SYT1: variants seen among roughly 807,000 people sequenced by gnomAD.
SYT1 encodes the protein synaptotagmin 1, also known as synaptotagmin-1.
A neutral mutation model predicts 44.8 loss-of-function variants in SYT1; 8 were observed. The ratio of observed to expected loss-of-function variants is 0.18; its 90% CI spans 0.10 to 0.32. The LOEUF (loss-of-function observed/expected upper bound fraction) is 0.32, where lower values mean the gene tolerates loss of function less well. Ranked by LOEUF, SYT1 falls within the 10% of genes least tolerant of loss-of-function variation. The pLI is 1.00. For synonymous variants in SYT1, 154 were observed against 188.8 expected, an observed-to-expected ratio of 0.82 and a Z score of 1.51; for missense variants, 286 against 509.3, an observed-to-expected ratio of 0.56 and a Z score of 4.22.
intron 9 of SYT1, among the ~76,000 whole-genome samples, chr12:79,369,777 C>G (rs939762929): frequency 1.3e-5 from 2 of 152,088 alleles, no homozygotes; most frequent in African/African-American, 4.8e-5. Context: ...ATAGCACATG[C>G]AGATTTTGAT....
At chr12:79,391,243 T>C (rs1011348618) in intron 9 of SYT1, among the ~76,000 whole-genome samples, 3 of 152,188 alleles carry the variant, frequency 2.0e-5, no homozygotes, top group Admixed American at 6.5e-5. Flanking sequence ...TGATCCTGAT[T>C]CAATAGCTCT....
intron 8 of SYT1, among the ~76,000 whole-genome samples, chr12:79,337,064 TG>T (rs1044239301): frequency 2.0e-5 from 3 of 151,554 alleles, no homozygotes; most frequent in Admixed American, 1.3e-4. Flanking sequence ...TCCTCCTTTT[TG>T]GTTCCCCTCC....
chr12:79,397,551 G>A (rs957883719), intron 9 of SYT1, among the ~76,000 whole-genome samples: 1 of 152,130 alleles, frequency 6.6e-6, no homozygotes, highest in Non-Finnish European at 1.5e-5. Flanking sequence ...TAAATGAAAG[G>A]AGATCTGCCT....
At chr12:79,409,308 C>T (rs1374058545) in intron 9 of SYT1, among the ~76,000 whole-genome samples, 3 of 152,120 alleles carry the variant, frequency 2.0e-5, no homozygotes, top group South Asian at 2.1e-4. Context: ...AACAATGTAA[C>T]TGGAAAGTTT....
intron 1 of SYT1, among the ~76,000 whole-genome samples, chr12:78,868,067 C>T (rs1052324033): frequency 6.6e-6 from 1 of 151,842 alleles, no homozygotes; most frequent in African/African-American, 2.4e-5. Flanking sequence ...GCCATCTAAT[C>T]TTAAAGAACA....
chr12:79,127,193 G>A (rs1868494844), intron 3 of SYT1, among the ~76,000 whole-genome samples: 2 of 152,214 alleles, frequency 1.3e-5, no homozygotes, highest in African/African-American at 4.8e-5. Context: ...TCTTCAACCA[G>A]GTTGCTCATC....
chr12:79,203,173 A>C (rs538917246), intron 3 of SYT1, among the ~76,000 whole-genome samples: 1 of 152,294 alleles, frequency 6.6e-6, no homozygotes, highest in South Asian at 2.1e-4. Flanking sequence ...ACTGAATCAA[A>C]CCGTAAGGGA....
At chr12:79,143,200 A>G (rs2138223016) in intron 3 of SYT1, among the ~76,000 whole-genome samples, 1 of 152,300 alleles carries the variant, frequency 6.6e-6, no homozygotes, top group Admixed American at 6.5e-5. Flanking sequence ...TACCATAGGA[A>G]CAATGGTACT....
intron 2 of SYT1, among the ~76,000 whole-genome samples, chr12:78,978,882 A>G (rs1413535820): frequency 6.6e-6 from 1 of 152,170 alleles, no homozygotes; most frequent in Admixed American, 6.5e-5. Flanking sequence ...ATAGAAATAC[A>G]CCAACTATAT....
intron 3 of SYT1, among the ~76,000 whole-genome samples, chr12:79,191,278 A>C (rs531983378): frequency 1.3e-5 from 2 of 152,174 alleles, no homozygotes; most frequent in African/African-American, 4.8e-5. Flanking sequence ...TGAAACATAG[A>C]TATGGGGATA....
chr12:79,090,060 T>C (rs934396921), intron 3 of SYT1, among the ~76,000 whole-genome samples: 1 of 152,050 alleles, frequency 6.6e-6, no homozygotes, highest in Admixed American at 6.6e-5. Context: ...AGCCTAAAAC[T>C]ATGTCTACTT....
At chr12:79,124,463 G>C (rs1868340589) in intron 3 of SYT1, among the ~76,000 whole-genome samples, 1 of 152,042 alleles carries the variant, frequency 6.6e-6, no homozygotes, top group Non-Finnish European at 1.5e-5. Flanking sequence ...TCGTGAGGTA[G>C]AATATAGATA....
At chr12:79,308,587 GA>G (rs1880558672) in intron 8 of SYT1, among the ~76,000 whole-genome samples, 2 of 114,190 alleles carry the variant, frequency 1.8e-5, no homozygotes, top group African/African-American at 3.3e-5. Flanking sequence ...AGAAGGAAAA[GA>G]AAGAAGAAAG....
intron 1 of SYT1, among the ~76,000 whole-genome samples, chr12:78,867,323 C>A (rs1873597189): frequency 6.6e-6 from 1 of 152,002 alleles, no homozygotes; most frequent in South Asian, 2.1e-4. Context: ...ATTTTCATGA[C>A]TCTTTACAAA....
At chr12:79,418,296 C>A (rs984618369) in intron 9 of SYT1, among the ~76,000 whole-genome samples, 2 of 152,112 alleles carry the variant, frequency 1.3e-5, no homozygotes, top group African/African-American at 4.8e-5. Context: ...ATGATCATTT[C>A]ATAAGGTGTT....
At chr12:79,133,425 A>G (rs1868981479) in intron 3 of SYT1, among the ~76,000 whole-genome samples, 1 of 152,164 alleles carries the variant, frequency 6.6e-6, no homozygotes, top group Non-Finnish European at 1.5e-5. Context: ...AAATGCAAAG[A>G]AAAGATAAAT....
At chr12:78,906,915 T>A (rs1303173863) in intron 1 of SYT1, among the ~76,000 whole-genome samples, 1 of 152,146 alleles carries the variant, frequency 6.6e-6, no homozygotes, top group African/African-American at 2.4e-5. Flanking sequence ...AAATTAAGAC[T>A]TCATAACCGC....
At chr12:79,028,337 A>G (rs143532588) in intron 2 of SYT1, among the ~76,000 whole-genome samples, 135 of 151,604 alleles carry the variant, frequency 8.9e-4, no homozygotes, top group Non-Finnish European at 1.6e-3. Context: ...TTAAGTGTAA[A>G]TGCTGCAGAA....
intron 3 of SYT1, among the ~76,000 whole-genome samples, chr12:79,080,801 A>T (rs1876981050): frequency 6.6e-6 from 1 of 152,202 alleles, no homozygotes; most frequent in Non-Finnish European, 1.5e-5. Context: ...AGCCACAAGG[A>T]TGCTGTAGAC....
Sources: allele counts gnomAD v4.1 joint callset (sites outside exome capture counted in the v4.1 genomes callset), GRCh38; gene constraint gnomAD v4.1.1; transcripts MANE v1.5; gene names NCBI Gene and HGNC (gene_info 2026-07-23, HGNC 2026-07-21).